The following PTPRD variants were observed in gnomAD, a reference collection of about 807,000 sequenced individuals.
PTPRD encodes receptor-type tyrosine-protein phosphatase delta.
In PTPRD, 34 loss-of-function variants were observed where a neutral mutation model predicts 214.5. The ratio of observed to expected loss-of-function variants is 0.16; its 90% CI spans 0.12 to 0.21. The LOEUF is 0.21. PTPRD is among the 10% of genes least tolerant of loss of function. The probability of loss-of-function intolerance (pLI) is 1.00; values close to 1 mark genes in which losing one functional copy is unlikely to be tolerated. For synonymous variants in PTPRD, 1,128 were observed against 845.7 expected, an observed-to-expected ratio of 1.33 and a Z score of -5.79; for missense variants, 2,545 against 2,398.7, an observed-to-expected ratio of 1.06 and a Z score of -1.27.
At chr9:9,601,498 G>T (rs1443372075) in intron 7 of PTPRD, among the ~76,000 whole-genome samples, 1 of 152,086 alleles carries the variant, frequency 6.6e-6, no homozygotes. Flanking sequence ...TAGAGTCACT[G>T]CTGCATCCTA....
intron 2 of PTPRD, among the ~76,000 whole-genome samples, chr9:10,429,644 T>C (rs563037372): frequency 6.6e-6 from 1 of 151,146 alleles, no homozygotes; most frequent in East Asian, 2.0e-4. Flanking sequence ...CATAGGCATA[T>C]AATGACAGAT....
chr9:10,421,865 A>G (rs184141554), intron 2 of PTPRD, among the ~76,000 whole-genome samples: 5 of 152,000 alleles, frequency 3.3e-5, no homozygotes, highest in Admixed American at 2.6e-4. Context: ...TCATATGCCA[A>G]TAACAGCAGT....
chr9:8,617,840 G>A (rs1372555199), intron 14 of PTPRD, among the ~76,000 whole-genome samples: 1 of 151,980 alleles, frequency 6.6e-6, no homozygotes, highest in Non-Finnish European at 1.5e-5. Context: ...CCATTGAAAG[G>A]CACATCTGAT....
intron 10 of PTPRD, among the ~76,000 whole-genome samples, chr9:9,022,261 AT>A (rs1310023333): frequency 1.3e-5 from 2 of 152,156 alleles, no homozygotes; most frequent in Admixed American, 1.3e-4. Flanking sequence ...TGCAGGGTTT[AT>A]AAAGTCTATA....
At chr9:9,967,713 T>G (rs543284199) in intron 4 of PTPRD, among the ~76,000 whole-genome samples, 1 of 152,184 alleles carries the variant, frequency 6.6e-6, no homozygotes, top group Non-Finnish European at 1.5e-5. Flanking sequence ...CAGTTTTGGT[T>G]TGCAATGTGC....
At chr9:9,013,974 G>T (rs1433810153) in intron 11 of PTPRD, among the ~76,000 whole-genome samples, 1 of 152,078 alleles carries the variant, frequency 6.6e-6, no homozygotes, top group Non-Finnish European at 1.5e-5. Flanking sequence ...GACTCTGAGT[G>T]CTCCCTCACT....
chr9:9,024,540 C>G (rs916220086), intron 10 of PTPRD, among the ~76,000 whole-genome samples: 1 of 151,616 alleles, frequency 6.6e-6, no homozygotes, highest in Non-Finnish European at 1.5e-5. Flanking sequence ...ATCACTCCTA[C>G]AAGCAAGATA....
intron 3 of PTPRD, among the ~76,000 whole-genome samples, chr9:10,281,731 A>T (rs117604398): frequency 2.0e-5 from 3 of 152,198 alleles, no homozygotes; most frequent in Non-Finnish European, 4.4e-5. Flanking sequence ...AATGACTATC[A>T]TATGAAAACT....
At chr9:8,837,370 A>C (rs1370295900) in intron 11 of PTPRD, among the ~76,000 whole-genome samples, 1 of 152,166 alleles carries the variant, frequency 6.6e-6, no homozygotes, top group Non-Finnish European at 1.5e-5. Flanking sequence ...GAGGCATATA[A>C]AGATTGTTTT....
At chr9:9,979,548 TACA>T (rs2095471035) in intron 4 of PTPRD, among the ~76,000 whole-genome samples, 1 of 152,086 alleles carries the variant, frequency 6.6e-6, no homozygotes, top group Non-Finnish European at 1.5e-5. Flanking sequence ...CAGTGATATA[TACA>T]ATTTAAAGAT....
intron 12 of PTPRD, among the ~76,000 whole-genome samples, chr9:8,685,298 A>T (rs1177061431): frequency 6.6e-6 from 1 of 152,054 alleles, no homozygotes; most frequent in East Asian, 1.9e-4. Flanking sequence ...GTGAGAGTAG[A>T]GACAAAGCAA....
chr9:9,600,433 G>GT (rs4008094), intron 7 of PTPRD, among the ~76,000 whole-genome samples: 3,128 of 151,522 alleles, frequency 0.021, 114 homozygotes, highest in African/African-American at 0.072. Flanking sequence ...CATTGTATTA[G>GT]CCCCCGTTTT....
intron 2 of PTPRD, among the ~76,000 whole-genome samples, chr9:10,535,163 A>C (rs12683477): frequency 0.03 from 4,544 of 152,190 alleles, 114 homozygotes; most frequent in East Asian, 0.11. Flanking sequence ...TGTTTTATAA[A>C]CCCCAAGGGA....
intron 5 of PTPRD, among the ~76,000 whole-genome samples, chr9:9,788,951 G>A (rs1339541128): frequency 1.3e-5 from 2 of 151,998 alleles, no homozygotes; most frequent in African/African-American, 2.4e-5. Context: ...ACAAGTTTCC[G>A]GTGCCTCTCT....
chr9:10,248,622 C>A (rs1327377494), intron 3 of PTPRD, among the ~76,000 whole-genome samples: 2 of 150,892 alleles, frequency 1.3e-5, no homozygotes, highest in East Asian at 2.0e-4. Context: ...CCGTACCAGA[C>A]AAATTATGAG....
intron 14 of PTPRD, among the ~76,000 whole-genome samples, chr9:8,572,477 G>C (rs1198788753): frequency 1.3e-5 from 2 of 151,736 alleles, no homozygotes; most frequent in Non-Finnish European, 2.9e-5. Flanking sequence ...TCTTCACTTA[G>C]GGAAAAAAGC....
At chr9:9,583,538 A>G (rs1044468405) in intron 7 of PTPRD, among the ~76,000 whole-genome samples, 4 of 152,066 alleles carry the variant, frequency 2.6e-5, no homozygotes, top group African/African-American at 9.7e-5. Context: ...CTAAAGAAAT[A>G]ATAATGCTCA....
intron 3 of PTPRD, among the ~76,000 whole-genome samples, chr9:10,201,323 G>C (rs1333500847): frequency 2.6e-5 from 4 of 151,922 alleles, no homozygotes; most frequent in African/African-American, 9.7e-5. Context: ...TATGGCATTA[G>C]TTATAATGAT....
intron 2 of PTPRD, among the ~76,000 whole-genome samples, chr9:10,416,566 C>T (rs1481548037): frequency 2.0e-5 from 3 of 151,836 alleles, no homozygotes; most frequent in African/African-American, 7.2e-5. Context: ...AAAAGAACAG[C>T]TTATGAGAAA....
Sources: allele counts gnomAD v4.1 joint callset (sites outside exome capture counted in the v4.1 genomes callset), GRCh38; gene constraint gnomAD v4.1.1; transcripts MANE v1.5; gene names NCBI Gene and HGNC (gene_info 2026-07-23, HGNC 2026-07-21).